Variants in PKHD1 observed in about 807,000 individuals in gnomAD.
PKHD1 encodes the protein fibrocystin.
A neutral mutation model predicts 412.0 loss-of-function variants in PKHD1; 291 were observed. The ratio of observed to expected loss-of-function variants is 0.71; its 90% CI spans 0.64 to 0.78. PKHD1 has a LOEUF of 0.78. Among genes scored for constraint, PKHD1 ranks in the 30% least tolerant of loss-of-function variants. The pLI is 0.00. For missense variants in PKHD1, 4,825 were observed against 4,950.7 expected (o/e 0.97, Z 0.76); for synonymous variants, 1,777 against 1,821.5 (o/e 0.98, Z 0.62).
chr6:51,948,796 GAAAC>G (rs1244412712), intron 36 of PKHD1, among the ~76,000 whole-genome samples: 1 of 152,174 alleles, frequency 6.6e-6, no homozygotes, highest in Non-Finnish European at 1.5e-5. Flanking sequence ...GCTAGAATAA[GAAAC>G]AAGATTCTTG....
chr6:52,071,094 A>G (rs1810545074), intron 8 of PKHD1, 24 bp from the exon 9 acceptor site: 4 of 1,506,738 alleles, frequency 2.7e-6, no homozygotes, highest in Admixed American at 1.7e-5. Context: ...AAACTGAGGT[A>G]AGAATGACCA....
rs982431425 is a variant in PKHD1 at position 51,753,429 on chromosome 6, A to G, written c.8798-76T>C. On this transcript the variant is annotated intron_variant, in intron 56 of 66. Coordinates refer to ENST00000371117, the MANE Select transcript of PKHD1 (RefSeq NM_138694.4). ...AAATCACTAGCTGGGGACCCAGCAA[A>G]CCTGAGAAATGAAAACATCCTTTCC... 17 of 1,209,924 alleles carry G rather than the reference A, an allele frequency of 1.4e-5. No individual in the cohort carries two copies. In the South Asian group the frequency reaches 2.1e-4, roughly 15 times the overall value. The allele number at this position is 1,209,924 out of a possible 1,614,324, so 74.9% of individuals were successfully genotyped here. A position where few individuals can be genotyped will look rare whatever the true frequency, so the allele number is the denominator to read the frequency against.
chr6:51,948,251 T>C (rs147274249), intron 36 of PKHD1, among the ~76,000 whole-genome samples: 2 of 152,296 alleles, frequency 1.3e-5, no homozygotes, highest in Non-Finnish European at 2.9e-5. Context: ...ATGTGAACCA[T>C]ATCGTGTTAC....
intron 47 of PKHD1, among the ~76,000 whole-genome samples, chr6:51,869,496 T>C (rs1002264297): frequency 1.3e-5 from 2 of 152,144 alleles, no homozygotes; most frequent in African/African-American, 2.4e-5. Context: ...GTGTTTTTTA[T>C]ATTTGTACCC....
intron 51 of PKHD1, among the ~76,000 whole-genome samples, chr6:51,834,658 GCA>G (rs1768871425): frequency 6.6e-6 from 1 of 152,118 alleles, no homozygotes; most frequent in African/African-American, 2.4e-5. Flanking sequence ...TTTGGCACTA[GCA>G]CAGATACTAC....
chr6:51,714,105 C>T (rs1780966715), intron 60 of PKHD1, among the ~76,000 whole-genome samples: 1 of 152,142 alleles, frequency 6.6e-6, no homozygotes, highest in African/African-American at 2.4e-5. Context: ...GGAACAGTGG[C>T]TCAGGCCTGT....
intron 36 of PKHD1, among the ~76,000 whole-genome samples, chr6:51,952,573 A>G (rs917951259): frequency 2.0e-5 from 3 of 152,152 alleles, no homozygotes; most frequent in Non-Finnish European, 4.4e-5. Context: ...TTGATATTCT[A>G]TTTGTAAATA....
Position 51,718,396 on chromosome 6 carries a change from G to C in PKHD1, c.10156+25989C>G, listed in dbSNP as rs1259487640. ...TATTCTATCATGATTATTTCTCCTG[G>C]GAAAAGAAAATGTGGAAAATGTGTC... is the stretch of plus-strand genomic sequence containing the variant. On this transcript the variant is annotated intron_variant, in intron 60 of 66. Coordinates refer to ENST00000371117, the MANE Select transcript of PKHD1 (RefSeq NM_138694.4). Among the ~76,000 whole-genome samples the C allele has an allele frequency of 2.6e-5, 4 of 152,012 alleles. No individual in the cohort carries two copies. The East Asian group carries it at 7.7e-4, about 29-fold the overall frequency.
chr6:51,726,829 A>G (rs1477296537), intron 60 of PKHD1, among the ~76,000 whole-genome samples: 1 of 152,172 alleles, frequency 6.6e-6, no homozygotes, highest in African/African-American at 2.4e-5. Flanking sequence ...GCTGAATAAT[A>G]GCCTCCCTAG....
rs886043763 is a variant in PKHD1, at chr6:51,775,907, G to A, written c.8455C>T (p.Pro2819Ser). Residue 2819 changes from proline (P) to serine (S), a missense_variant, in exon 54 of 67, where the codon CCC becomes TCC. Coordinates refer to ENST00000371117, the MANE Select transcript of PKHD1 (RefSeq NM_138694.4). ...GELKVGTLENPLEKEQKLLIL... is the reference protein window; with the variant it reads ...GELKVGTLENSLEKEQKLLIL... ...AGAAGCTTTTGTTCCTTTTCTAAGG[G>A]ATTTTCTAAAGTACCTGTTTACAAA... 3 of 1,549,632 alleles carry A rather than the reference G, an allele frequency of 1.9e-6. No homozygotes were observed. The highest frequency in any genetic ancestry group is 1.8e-6 in the Non-Finnish European group (2 of 1,122,902).
intron 8 of PKHD1, 98 bp downstream of exon 8, chr6:52,072,017 A>G (rs1324381746): frequency 2.2e-5 from 17 of 790,424 alleles, no homozygotes; most frequent in Non-Finnish European, 3.7e-5. Context: ...AAACAGATAT[A>G]TGGTGAGTGG....
intron 59 of PKHD1, among the ~76,000 whole-genome samples, 169 bp from the exon 60 acceptor site, chr6:51,744,711 A>G (rs1440300268): frequency 1.3e-5 from 2 of 152,192 alleles, no homozygotes; most frequent in African/African-American, 4.8e-5. Flanking sequence ...TTATTTCCCA[A>G]TTATATGGTC....
At chr6:51,803,362 G>A in intron 52 of PKHD1, among the ~76,000 whole-genome samples, 1 of 150,888 alleles carries the variant, frequency 6.6e-6, no homozygotes, top group African/African-American at 2.5e-5. Flanking sequence ...TATTGTCCCA[G>A]AGATCATGAA....
chr6:51,659,531 C>T lies in PKHD1; in HGVS notation c.10595G>A (p.Gly3532Asp). 1 of 1,613,612 alleles carries T rather than the reference C, an allele frequency of 6.2e-7. No individual in the cohort carries two copies. Among genetic ancestry groups the T allele is most frequent in the East Asian group, 2.2e-5 (1 of 44,830 alleles). ...SASLLLNESI[G>D]ANYFNIMDNL... ...ATCCATGATGTTGAAATAGTTGGCA[C>T]CAATAGATTCATTCAGCAATAAGGA... Residue 3532 changes from glycine (G) to aspartate (D), a missense_variant, in exon 61 of 67, where the codon GGT becomes GAT. Physicochemically the swap from Gly to Asp is moderately conservative, Grantham distance 94 (BLOSUM62 -1). Transcript: ENST00000371117.
At chr6:52,004,573 A>AT (rs1798830626) in intron 35 of PKHD1, among the ~76,000 whole-genome samples, 1 of 151,890 alleles carries the variant, frequency 6.6e-6, no homozygotes, top group South Asian at 2.1e-4. Flanking sequence ...GAAGGTGGAG[A>AT]TTTTTTTATC....
chr6:51,940,604 A>G (rs1788341974), intron 36 of PKHD1, among the ~76,000 whole-genome samples: 1 of 151,708 alleles, frequency 6.6e-6, no homozygotes, highest in African/African-American at 2.4e-5. Context: ...ACTCTGGCCC[A>G]AGGCTCTCTG....
intron 52 of PKHD1, among the ~76,000 whole-genome samples, chr6:51,801,099 C>T (rs1444933923): frequency 6.6e-6 from 1 of 152,166 alleles, no homozygotes; most frequent in Admixed American, 6.5e-5. Context: ...AAAGTGACTG[C>T]TTTAAATATA....
At chr6:51,821,410 C>T (rs956999016) in intron 52 of PKHD1, among the ~76,000 whole-genome samples, 2 of 152,296 alleles carry the variant, frequency 1.3e-5, no homozygotes, top group Middle Eastern at 3.4e-3. Flanking sequence ...AGGTCATTCT[C>T]TTTACCAATG....
At position 51,910,234 on chromosome 6, in the gene PKHD1, G is replaced by A. The variant is rs145373556; in HGVS notation, c.6491-760C>T. Among the ~76,000 whole-genome samples, 376 of 152,174 alleles carry A rather than the reference G, an allele frequency of 2.5e-3. 3 individuals carry two copies. The highest frequency in any genetic ancestry group is 8.1e-3 in the African/African-American group (336 of 41,536). ...ACCTTCTGTTGATACATGGCATTTG[G>A]TGGTACAAACTAATCTGGAGAATAA... On this transcript the variant is annotated intron_variant, in intron 39 of 66. Coordinates refer to ENST00000371117, the MANE Select transcript of PKHD1 (RefSeq NM_138694.4).
Sources: gnomAD v4.1 joint callset for allele counts (sites outside exome capture counted in the v4.1 genomes callset) on GRCh38, gnomAD v4.1.1 for gene constraint, MANE v1.5 for transcripts, NCBI Gene and HGNC (gene_info 2026-07-23, HGNC 2026-07-21) for gene names.